CNTLN: variants seen among roughly 807,000 people sequenced by gnomAD.
The protein encoded by CNTLN is centlein.
In CNTLN, 212 loss-of-function variants were observed where a neutral mutation model predicts 180.0. That is an observed-to-expected ratio of 1.18 (90% CI 1.05 to 1.32). The LOEUF is 1.32. Ranked by LOEUF, CNTLN falls within the 40% of genes most tolerant of loss-of-function variation. The pLI is 0.00. For synonymous variants in CNTLN, 722 were observed against 563.1 expected (o/e 1.28, Z -3.99); for missense variants, 2,095 against 1,610.9 (o/e 1.30, Z -5.14).
chr9:17,247,937 C>G (rs1158537676), intron 5 of CNTLN, among the ~76,000 whole-genome samples: 1 of 151,184 alleles, frequency 6.6e-6, no homozygotes, highest in Non-Finnish European at 1.5e-5. Flanking sequence ...CTCAAACAAT[C>G]CTCCAACCTC....
intron 5 of CNTLN, among the ~76,000 whole-genome samples, chr9:17,242,613 G>A (rs1223099847): frequency 6.6e-6 from 1 of 152,114 alleles, no homozygotes; most frequent in East Asian, 1.9e-4. Flanking sequence ...ACCTGGCCAG[G>A]TTTTGTCTTT....
chr9:17,399,648 A>G (rs893621140), intron 15 of CNTLN, among the ~76,000 whole-genome samples: 2 of 151,352 alleles, frequency 1.3e-5, no homozygotes, highest in African/African-American at 4.9e-5. Flanking sequence ...ACCTTTTGTA[A>G]ACAGATGATA....
At chr9:17,141,893 C>A (rs1430800010) in intron 1 of CNTLN, among the ~76,000 whole-genome samples, 2 of 151,792 alleles carry the variant, frequency 1.3e-5, no homozygotes, top group African/African-American at 2.4e-5. Context: ...ACCAGCCTGG[C>A]CAATATGGTG....
chr9:17,382,501 A>C (rs141157270), intron 13 of CNTLN, among the ~76,000 whole-genome samples: 5 of 152,340 alleles, frequency 3.3e-5, no homozygotes, highest in African/African-American at 1.2e-4. Context: ...ACTTTTCAAC[A>C]TCAATAAAAA....
intron 9 of CNTLN, among the ~76,000 whole-genome samples, chr9:17,332,152 T>A (rs1034625336): frequency 1.4e-4 from 21 of 152,062 alleles, no homozygotes; most frequent in Admixed American, 1.2e-3. Flanking sequence ...GTCTGTTGTA[T>A]TTATATTCCT....
intron 25 of CNTLN, among the ~76,000 whole-genome samples, chr9:17,493,058 G>T (rs1178955835): frequency 6.6e-6 from 1 of 152,076 alleles, no homozygotes; most frequent in African/African-American, 2.4e-5. Context: ...AATGGTGGTT[G>T]TCAAGGGCTG....
chr9:17,423,215 G>T (rs1007993907), intron 18 of CNTLN, among the ~76,000 whole-genome samples: 8 of 152,184 alleles, frequency 5.3e-5, no homozygotes, highest in African/African-American at 1.9e-4. Context: ...TTGGCAACTA[G>T]TGCCTGGCTG....
At position 17,239,836 on chromosome 9, in the gene CNTLN, C is replaced by T. The variant is rs192009988; in HGVS notation, c.849+3248C>T. Among the ~76,000 whole-genome samples, 60 of 152,244 alleles carry T rather than the reference C, an allele frequency of 3.9e-4. 1 individual carries two copies. Among genetic ancestry groups the T allele is most frequent in the Non-Finnish European group, 3.7e-4 (25 of 68,002 alleles). ...TGTTTATTTGATCTATACATCTGCC[C>T]TCCTGTCTATGCCACATTTTCTTGG... On this transcript the variant is annotated intron_variant, in intron 5 of 25. Transcript: ENST00000380647.
chr9:17,328,798 A>G (rs1403198754), intron 8 of CNTLN, among the ~76,000 whole-genome samples: 16 of 152,162 alleles, frequency 1.1e-4, no homozygotes, highest in Non-Finnish European at 2.4e-4. Context: ...ACTCTTTGAT[A>G]GTATTTTAAT....
chr9:17,429,183 A>G (rs1023962351), intron 18 of CNTLN, among the ~76,000 whole-genome samples: 3 of 152,104 alleles, frequency 2.0e-5, no homozygotes, highest in Admixed American at 2.0e-4. Context: ...AAAAATATAC[A>G]TAAGCAGATT....
At chr9:17,500,905 C>A (rs140951620) in intron 25 of CNTLN, among the ~76,000 whole-genome samples, 56 of 152,280 alleles carry the variant, frequency 3.7e-4, no homozygotes, top group African/African-American at 1.3e-3. Flanking sequence ...AAACTGGCAT[C>A]TTTGTCCAAG....
chr9:17,144,839 T>A (rs1057288580), intron 2 of CNTLN, among the ~76,000 whole-genome samples: 1 of 150,514 alleles, frequency 6.6e-6, no homozygotes, highest in Non-Finnish European at 1.5e-5. Flanking sequence ...TTTTTTTATT[T>A]TATTTTTTTT....
intron 2 of CNTLN, among the ~76,000 whole-genome samples, chr9:17,177,408 CA>C (rs879738419): frequency 3.0e-4 from 44 of 144,742 alleles, no homozygotes; most frequent in East Asian, 8.0e-4. Flanking sequence ...GACTCTGTCT[CA>C]AAAAAAAAAA....
At chr9:17,297,285 A>T (rs553993387) in intron 6 of CNTLN, among the ~76,000 whole-genome samples, 2 of 152,228 alleles carry the variant, frequency 1.3e-5, no homozygotes, top group Non-Finnish European at 2.9e-5. Flanking sequence ...TCAAAACTAC[A>T]TCATTTTATA....
chr9:17,301,884 T>G lies in CNTLN; in HGVS notation c.1146+3532T>G, dbSNP rs555605175. On this transcript the variant is annotated intron_variant, in intron 7 of 25. Transcript: ENST00000380647. ...TTTTAAAAATGCATCTTAACATATT[T>G]GTTAGCACACTAGTATTTTTCACTT... The G allele has an allele frequency of 1.8e-3, 1,671 of 942,048 alleles. 1 individual carries two copies. Among genetic ancestry groups the G allele is most frequent in the Non-Finnish European group, 2.0e-3 (1,605 of 790,816 alleles). The allele number at this position is 942,048 out of a possible 1,614,324, so 58.4% of individuals were successfully genotyped here.
intron 2 of CNTLN, chr9:17,167,500 G>T (rs1248742905): frequency 6.6e-6 from 1 of 152,228 alleles, no homozygotes; most frequent in African/African-American, 2.4e-5. Flanking sequence ...AGGAAGGGAA[G>T]GTGCATAGGC....
At chr9:17,482,150 G>C (rs1832681483) in intron 23 of CNTLN, among the ~76,000 whole-genome samples, 1 of 152,064 alleles carries the variant, frequency 6.6e-6, no homozygotes, top group African/African-American at 2.4e-5. Flanking sequence ...CCCTCTTAAA[G>C]TTCAGTCAAC....
At chr9:17,310,146 T>C (rs1415620789) in intron 8 of CNTLN, among the ~76,000 whole-genome samples, 1 of 152,182 alleles carries the variant, frequency 6.6e-6, no homozygotes, top group Middle Eastern at 3.2e-3. Flanking sequence ...CACCCTTGGT[T>C]CAACCAACTT....
the CNTLN span, among the ~76,000 whole-genome samples, chr9:17,521,265 A>AGGAGAGAGAGAGAG: frequency 8.4e-6 from 1 of 118,608 alleles, no homozygotes; most frequent in East Asian, 2.8e-4. Flanking sequence ...AAGGGAGAAA[A>AGGAGAGAGAGAGAG]AGAGAGAGAG....
Sources: allele counts gnomAD v4.1 joint callset (sites outside exome capture counted in the v4.1 genomes callset), GRCh38; gene constraint gnomAD v4.1.1; transcripts MANE v1.5; gene names NCBI Gene and HGNC (gene_info 2026-07-23, HGNC 2026-07-21).